Variants in FAF1 observed in about 807,000 individuals in gnomAD.
The protein encoded by FAF1 is Fas associated factor 1, also known as FAS-associated factor 1.
FAF1 carries 25 observed loss-of-function variants against 92.5 expected under a neutral mutation model. The ratio of observed to expected loss-of-function variants is 0.27; its 90% CI spans 0.20 to 0.38. FAF1 has a LOEUF of 0.38. FAF1 is among the 10% of genes least tolerant of loss of function. The pLI, the probability that FAF1 is intolerant of heterozygous loss-of-function variation, is 1.00. For missense variants in FAF1, 636 were observed against 793.3 expected (o/e 0.80, Z 2.38); for synonymous variants, 234 against 273.2 (o/e 0.86, Z 1.42).
Position 50,437,761 on chromosome 1 carries a change from G to A in FAF1, c.*3679C>T, listed in dbSNP as rs1476687226. The A allele has an allele frequency of 2.6e-5, 4 of 152,040 alleles. No homozygotes were observed. Among genetic ancestry groups the A allele is most frequent in the South Asian group, 4.2e-4 (2 of 4,810 alleles). 9.4% of individuals were successfully genotyped at this position (152,040 alleles called of 1,614,324 possible). On this transcript the variant is annotated 3_prime_UTR_variant, in exon 19 of 19. Transcript: ENST00000396153. The stretch of plus-strand genomic sequence containing the variant: ...TTCTTGGCCGGGCGCCGTGGCTCAC[G>A]CCTGTAACCCTGGCACTTTGGGAGG...
intron 7 of FAF1, among the ~76,000 whole-genome samples, chr1:50,689,304 GC>G (rs1656809963): frequency 6.6e-6 from 1 of 152,052 alleles, no homozygotes. Flanking sequence ...ATATGTCCAG[GC>G]CAGGCGCAGT....
At position 50,490,447 on chromosome 1, in the gene FAF1, G is replaced by GAAAAA. The variant is rs1557966710; in HGVS notation, c.1653+140_1653+141insTTTTT. On this transcript the variant is annotated intron_variant, in intron 17 of 18. Coordinates refer to ENST00000396153, the MANE Select transcript of FAF1 (RefSeq NM_007051.3). ...AGGAAGGAAGGAAGGAAGGAAGGAA[G>GAAAAA]GAAGGAAGGAAGGAAAAAGAAAGAA... is the stretch of plus-strand genomic sequence containing the variant. 6.1e-4 allele frequency: 200 copies of GAAAAA among 325,416 alleles called. 4 individuals carry two copies. Among genetic ancestry groups the GAAAAA allele is most frequent in the African/African-American group, 4.5e-3 (137 of 30,436 alleles). The allele number at this position is 325,416 out of a possible 1,614,324, so 20.2% of individuals were successfully genotyped here.
intron 1 of FAF1, among the ~76,000 whole-genome samples, chr1:50,894,324 A>C (rs1274467157): frequency 2.0e-5 from 3 of 149,288 alleles, no homozygotes; most frequent in East Asian, 3.9e-4. Flanking sequence ...AAAAAAAAAA[A>C]AAAAAACTCC....
At chr1:50,842,598 T>G (rs1183408534) in intron 2 of FAF1, among the ~76,000 whole-genome samples, 1 of 152,088 alleles carries the variant, frequency 6.6e-6, no homozygotes, top group Non-Finnish European at 1.5e-5. Flanking sequence ...GCTCACTATA[T>G]TCTAGCCACA....
At chr1:50,819,569 AT>A (rs1463776457) in intron 2 of FAF1, among the ~76,000 whole-genome samples, 1 of 148,974 alleles carries the variant, frequency 6.7e-6, no homozygotes, top group East Asian at 2.0e-4. Context: ...CGAGACTGCA[AT>A]AGCTATAATC....
At chr1:50,449,600 C>A (rs2148978553) in intron 18 of FAF1, among the ~76,000 whole-genome samples, 1 of 151,048 alleles carries the variant, frequency 6.6e-6, no homozygotes, top group Admixed American at 6.6e-5. Context: ...AGTGATTCTC[C>A]TACCTCAGCC....
chr1:50,500,173 G>T (rs1646966261), intron 15 of FAF1, among the ~76,000 whole-genome samples: 1 of 152,096 alleles, frequency 6.6e-6, no homozygotes, highest in East Asian at 1.9e-4. Flanking sequence ...AATTCATGTG[G>T]AAATGCACAG....
chr1:50,955,067 AT>A (rs759958559), intron 1 of FAF1, among the ~76,000 whole-genome samples: 2 of 152,240 alleles, frequency 1.3e-5, no homozygotes, highest in African/African-American at 2.4e-5. Context: ...TATTATTGAA[AT>A]TATTTGATAG....
At chr1:50,509,121 G>A (rs925712168) in intron 15 of FAF1, among the ~76,000 whole-genome samples, 2 of 152,248 alleles carry the variant, frequency 1.3e-5, no homozygotes, top group East Asian at 1.9e-4. Context: ...CAAGCCAATG[G>A]CTAAACAACA....
In FAF1 at chr1:50,447,420, T is replaced by C. The variant is rs918797971; in HGVS notation, c.1870-5897A>G. Among the ~76,000 whole-genome samples the C allele has an allele frequency of 5.3e-5, 8 of 152,172 alleles. No homozygotes were observed. The East Asian group carries it at 5.8e-4, about 11-fold the overall frequency. On this transcript the variant is annotated intron_variant, in intron 18 of 18. Coordinates refer to ENST00000396153, the MANE Select transcript of FAF1 (RefSeq NM_007051.3). Reference sequence around the variant, plus strand: ...GATTACAGGCGTGAGCCACCGCGCCTGGCCTATTCCTGCTTTTAAAATAAA... The same window carrying C: ...GATTACAGGCGTGAGCCACCGCGCCCGGCCTATTCCTGCTTTTAAAATAAA...
chr1:50,461,774 T>C (rs1646434099), intron 18 of FAF1, among the ~76,000 whole-genome samples: 2 of 151,918 alleles, frequency 1.3e-5, no homozygotes, highest in African/African-American at 4.8e-5. Context: ...AATCTTTTGT[T>C]ATTAGGCATG....
intron 8 of FAF1, among the ~76,000 whole-genome samples, chr1:50,637,407 C>T (rs1030516088): frequency 5.3e-5 from 8 of 150,636 alleles, no homozygotes; most frequent in African/African-American, 1.5e-4. Flanking sequence ...GAGCCAAGAT[C>T]GCGCCATTGC....
chr1:50,929,532 AAT>A (rs1249503633), intron 1 of FAF1, among the ~76,000 whole-genome samples: 4 of 152,238 alleles, frequency 2.6e-5, no homozygotes, highest in Non-Finnish European at 5.9e-5. Flanking sequence ...AAAACTAGAG[AAT>A]AGATTCATTG....
chr1:50,838,947 C>A (rs1644234137), intron 2 of FAF1, among the ~76,000 whole-genome samples: 1 of 152,060 alleles, frequency 6.6e-6, no homozygotes, highest in African/African-American at 2.4e-5. Flanking sequence ...AAATTATAAA[C>A]CCCTAAGATC....
chr1:50,719,629 T>C (rs1350480314), intron 6 of FAF1, among the ~76,000 whole-genome samples: 2 of 152,194 alleles, frequency 1.3e-5, no homozygotes, highest in African/African-American at 2.4e-5. Flanking sequence ...TGATATATTG[T>C]GATGCATCAA....
intron 8 of FAF1, among the ~76,000 whole-genome samples, chr1:50,652,397 C>A (rs78758501): frequency 1.3e-5 from 2 of 152,282 alleles, no homozygotes; most frequent in Non-Finnish European, 2.9e-5. Context: ...ATTTTACAGG[C>A]AGAAGAATTG....
chr1:50,787,061 G>T (rs893449057), intron 4 of FAF1, among the ~76,000 whole-genome samples: 14 of 152,164 alleles, frequency 9.2e-5, no homozygotes, highest in Admixed American at 8.5e-4. Context: ...ACCACATTAA[G>T]AGAAAATTAA....
chr1:50,485,786 G>A (rs1646761238), intron 17 of FAF1, among the ~76,000 whole-genome samples: 1 of 151,768 alleles, frequency 6.6e-6, no homozygotes, highest in South Asian at 2.1e-4. Context: ...AGGATGACTG[G>A]GAGGCCTCAA....
intron 15 of FAF1, among the ~76,000 whole-genome samples, chr1:50,507,165 G>A (rs953760191): frequency 6.6e-6 from 1 of 152,150 alleles, no homozygotes; most frequent in Non-Finnish European, 1.5e-5. Context: ...TTCAACAGAT[G>A]TGCACTGAAT....
Sources: gnomAD v4.1 joint callset for allele counts (sites outside exome capture counted in the v4.1 genomes callset) on GRCh38, gnomAD v4.1.1 for gene constraint, MANE v1.5 for transcripts, NCBI Gene and HGNC (gene_info 2026-07-23, HGNC 2026-07-21) for gene names.